Variants in ASTN2 observed in about 807,000 individuals in gnomAD.
ASTN2 encodes astrotactin 2.
In ASTN2, 54 loss-of-function variants were observed where a neutral mutation model predicts 139.8. That is an observed-to-expected ratio of 0.39 (90% CI 0.31 to 0.48). The LOEUF (loss-of-function observed/expected upper bound fraction) is 0.48. Ranked by LOEUF, ASTN2 falls within the 20% of genes least tolerant of loss-of-function variation. ASTN2 has a pLI of 0.95. For missense variants in ASTN2, 1,565 were observed against 1,725.1 expected (o/e 0.91, Z 1.64); for synonymous variants, 756 against 719.5 (o/e 1.05, Z -0.81).
chr9:117,309,666 G>A (rs770502869), intron 1 of ASTN2, among the ~76,000 whole-genome samples: 57 of 152,142 alleles, frequency 3.7e-4, no homozygotes, highest in Non-Finnish European at 6.9e-4. Flanking sequence ...CCAAGAGAGG[G>A]AAAGGGATTT....
chr9:116,795,786 G>A (rs572997587), intron 13 of ASTN2, among the ~76,000 whole-genome samples: 2 of 152,218 alleles, frequency 1.3e-5, no homozygotes, highest in Non-Finnish European at 2.9e-5. Flanking sequence ...AATGGTTATT[G>A]GGATCCTACT....
chr9:116,564,163 T>C (rs1264013439), intron 19 of ASTN2, among the ~76,000 whole-genome samples: 1 of 152,200 alleles, frequency 6.6e-6, no homozygotes, highest in Non-Finnish European at 1.5e-5. Context: ...CTAAACCTGA[T>C]TCAAATAGTT....
intron 17 of ASTN2, among the ~76,000 whole-genome samples, chr9:116,650,979 G>A (rs1040092357): frequency 8.6e-5 from 13 of 150,514 alleles, no homozygotes; most frequent in Non-Finnish European, 1.5e-4. Flanking sequence ...ACAATGGCAC[G>A]ATCTCGGCTC....
At chr9:117,321,538 G>A (rs974425565) in intron 1 of ASTN2, among the ~76,000 whole-genome samples, 2 of 152,146 alleles carry the variant, frequency 1.3e-5, no homozygotes, top group East Asian at 3.9e-4. Context: ...AAATTCAGAG[G>A]AATGGAATCA....
intron 1 of ASTN2, among the ~76,000 whole-genome samples, chr9:117,345,111 C>G (rs1003828781): frequency 1.3e-5 from 2 of 152,046 alleles, no homozygotes; most frequent in Non-Finnish European, 2.9e-5. Flanking sequence ...TTCTGCAGCA[C>G]AAAGGAGCCC....
chr9:117,159,173 A>C (rs1273123959), intron 3 of ASTN2, among the ~76,000 whole-genome samples: 1 of 152,000 alleles, frequency 6.6e-6, no homozygotes, highest in Non-Finnish European at 1.5e-5. Flanking sequence ...TGCCATTTCC[A>C]ATTATGACCA....
In ASTN2 at chr9:116,925,601, G is replaced by C. The variant is rs555540525; in HGVS notation, c.1889+49607C>G. 2.6e-5 allele frequency among the ~76,000 whole-genome samples: 4 copies of C among 151,872 alleles called. No individual in the cohort carries two copies. The East Asian group carries it at 7.8e-4, about 29-fold the overall frequency. ...AAAGGAAGCTTGGGTCTGTCTCTGGGAACCACTCTCTTATTAGGCATTACC... is the reference window on the plus strand; with the variant it reads ...AAAGGAAGCTTGGGTCTGTCTCTGGCAACCACTCTCTTATTAGGCATTACC... On this transcript the variant is annotated intron_variant, in intron 10 of 22. Coordinates refer to ENST00000313400, the MANE Select transcript of ASTN2 (RefSeq NM_001365068.1).
At chr9:116,570,288 A>G (rs942764734) in intron 19 of ASTN2, among the ~76,000 whole-genome samples, 4 of 152,244 alleles carry the variant, frequency 2.6e-5, no homozygotes, top group Non-Finnish European at 4.4e-5. Flanking sequence ...AAGAATAACC[A>G]AATCCTATAT....
chr9:116,634,766 G>T (rs183171311), intron 17 of ASTN2, among the ~76,000 whole-genome samples: 1 of 152,234 alleles, frequency 6.6e-6, no homozygotes, highest in African/African-American at 2.4e-5. Context: ...AGCTATCAGA[G>T]ATACTATCTT....
At chr9:116,648,336 G>A (rs570929094) in intron 17 of ASTN2, among the ~76,000 whole-genome samples, 1 of 151,948 alleles carries the variant, frequency 6.6e-6, no homozygotes, top group East Asian at 1.9e-4. Context: ...TCCCTATATT[G>A]CCCAGGCTGG....
chr9:117,048,963 C>CTTATTTTTTTTTTTTTTTTTTTTTTTTTT (rs1838829283), intron 5 of ASTN2, among the ~76,000 whole-genome samples: 1 of 89,016 alleles, frequency 1.1e-5, no homozygotes, highest in Non-Finnish European at 2.3e-5. Context: ...TCATCCATTG[C>CTTATTTTTTTTTTTTTTTTTTTTTTTTTT]TTTTTTTTTT....
chr9:116,576,201 G>A (rs1853717048), intron 19 of ASTN2, among the ~76,000 whole-genome samples: 2 of 152,052 alleles, frequency 1.3e-5, no homozygotes, highest in African/African-American at 2.4e-5. Context: ...GAGGAAGGAG[G>A]ACTGATCAGT....
intron 20 of ASTN2, among the ~76,000 whole-genome samples, chr9:116,478,089 G>C (rs1346849810): frequency 7.0e-6 from 1 of 143,464 alleles, no homozygotes; most frequent in Non-Finnish European, 1.5e-5. Context: ...AGGAAGCAGG[G>C]AAACAGGAAG....
At chr9:117,187,414 A>C (rs1831229345) in intron 3 of ASTN2, among the ~76,000 whole-genome samples, 1 of 152,112 alleles carries the variant, frequency 6.6e-6, no homozygotes, top group African/African-American at 2.4e-5. Context: ...GGTTTGAATG[A>C]TTGTCTCCTC....
intron 19 of ASTN2, among the ~76,000 whole-genome samples, chr9:116,590,939 T>G (rs1854353503): frequency 6.6e-6 from 1 of 152,150 alleles, no homozygotes; most frequent in African/African-American, 2.4e-5. Context: ...AGCTACCCAC[T>G]TCAAGTCTCC....
At chr9:116,616,886 A>G (rs1470273660) in intron 19 of ASTN2, among the ~76,000 whole-genome samples, 1 of 152,172 alleles carries the variant, frequency 6.6e-6, no homozygotes, top group Non-Finnish European at 1.5e-5. Context: ...ATACAAACAC[A>G]CAGACACTTC....
At position 116,425,875 on chromosome 9, in the gene ASTN2, C is replaced by A. The variant is rs375430304; in HGVS notation, c.3996G>T (p.Thr1332=). Residue 1332 remains threonine (T), a synonymous_variant, in exon 23 of 23, where the codon ACG becomes ACT. Coordinates refer to ENST00000313400, the MANE Select transcript of ASTN2 (RefSeq NM_001365068.1). The part of the protein sequence containing the change: ...EEKMVSMARN[T]YGESKGR The stretch of plus-strand genomic sequence containing the variant: ...CTCACCGGCCCTTGGACTCCCCGTA[C>A]GTGTTTCGGGCCATTGACACCATCT... 1 of 1,614,144 alleles carries A rather than the reference C, an allele frequency of 6.2e-7. No homozygotes were observed. The highest frequency in any genetic ancestry group is 8.5e-7 in the Non-Finnish European group (1 of 1,180,030).
chr9:117,119,056 C>T (rs1829476057), intron 4 of ASTN2, among the ~76,000 whole-genome samples: 1 of 152,216 alleles, frequency 6.6e-6, no homozygotes, highest in Non-Finnish European at 1.5e-5. Flanking sequence ...TCACCATACT[C>T]TGCATTCACT....
At chr9:117,278,527 C>G (rs747471288) in intron 2 of ASTN2, among the ~76,000 whole-genome samples, 6 of 152,134 alleles carry the variant, frequency 3.9e-5, no homozygotes, top group African/African-American at 1.4e-4. Context: ...CTGCCTAACC[C>G]CTTCCCCCTC....
Sources: gnomAD v4.1 joint callset for allele counts (sites outside exome capture counted in the v4.1 genomes callset) on GRCh38, gnomAD v4.1.1 for gene constraint, MANE v1.5 for transcripts, NCBI Gene and HGNC (gene_info 2026-07-23, HGNC 2026-07-21) for gene names.